BRWD1: variants seen among roughly 807,000 people sequenced by gnomAD.
The protein encoded by BRWD1 is bromodomain and WD repeat-containing protein 1.
Under a neutral mutation model 251.2 loss-of-function variants are expected in BRWD1, and 82 were observed. The ratio of observed to expected loss-of-function variants is 0.33; its 90% CI spans 0.27 to 0.39. The LOEUF (loss-of-function observed/expected upper bound fraction) is 0.39. Ranked by LOEUF, BRWD1 falls within the 10% of genes least tolerant of loss-of-function variation. The probability of loss-of-function intolerance (pLI) is 1.00; values close to 1 mark genes in which losing one functional copy is unlikely to be tolerated. For missense variants in BRWD1, 2,233 were observed against 2,711.6 expected, an observed-to-expected ratio of 0.82 and a Z score of 3.92; for synonymous variants, 918 against 902.8, an observed-to-expected ratio of 1.02 and a Z score of -0.30.
chr21:39,301,176 C>CA (rs35360577), intron 4 of BRWD1, among the ~76,000 whole-genome samples: 1,431 of 65,332 alleles, frequency 0.022, 8 homozygotes, highest in African/African-American at 0.044. Flanking sequence ...AAGGCTCCCA[C>CA]AAAAAAAAAA....
intron 8 of BRWD1, among the ~76,000 whole-genome samples, chr21:39,283,717 TG>T (rs1222798407): frequency 6.6e-6 from 1 of 152,226 alleles, no homozygotes; most frequent in Non-Finnish European, 1.5e-5. Flanking sequence ...TTTTAACTTC[TG>T]GGGGCTTCCT....
intron 29 of BRWD1, among the ~76,000 whole-genome samples, chr21:39,220,020 CAT>C (rs1386379843): frequency 6.8e-6 from 1 of 147,704 alleles, no homozygotes; most frequent in African/African-American, 2.5e-5. Context: ...AGGCAGGCAA[CAT>C]AAAGTGCTTT....
intron 36 of BRWD1, among the ~76,000 whole-genome samples, chr21:39,206,805 A>G (rs956856471): frequency 3.3e-5 from 5 of 152,248 alleles, no homozygotes; most frequent in Non-Finnish European, 7.3e-5. Flanking sequence ...TGCATATGAA[A>G]GATTTGTTTT....
intron 28 of BRWD1, 90 bp downstream of exon 28, chr21:39,224,996 G>GT (rs1401808713): frequency 1.1e-5 from 11 of 1,012,144 alleles, no homozygotes; most frequent in South Asian, 8.4e-5. Context: ...TAAAAACCAT[G>GT]TTTTTTTAAA....
chr21:39,258,583 T>C lies in BRWD1; in HGVS notation c.1975A>G (p.Ile659Val). 1 of 1,613,724 alleles carries C rather than the reference T, an allele frequency of 6.2e-7. No homozygotes were observed. Among genetic ancestry groups the C allele is most frequent in the Non-Finnish European group, 8.5e-7 (1 of 1,179,750 alleles). ...TCTTGCTGCTGCTGCAACTGTCTTA[T>C]CATTCCATCAAGAATACTCGATTCT... ...SPESSILDGMIRQLQQQQDQR... is the reference protein window; with the variant it reads ...SPESSILDGMVRQLQQQQDQR... The change falls in exon 18 of 41, where the codon ATA (isoleucine) becomes GTA (valine). Residue 659 changes from isoleucine (I) to valine (V), a missense_variant. Ile to Val is a conservative substitution (Grantham distance 29, BLOSUM62 3). This residue lies in a region of BRWD1 where 73 missense variants were observed against 68.1 expected (regional missense o/e 1.07). Coordinates refer to ENST00000342449, the MANE Select transcript of BRWD1 (RefSeq NM_033656.4).
chr21:39,295,902 C>A lies in BRWD1; in HGVS notation c.450G>T (p.Val150=). Residue 150 remains valine (V), a splice_region_variant and synonymous_variant, in exon 7 of 41, where the codon GTG becomes GTT. Coordinates refer to ENST00000342449, the MANE Select transcript of BRWD1 (RefSeq NM_033656.4). ...PVNYGSPPNL[V]EIHRGKQLTG... is the part of the protein sequence containing the mutation. ...TGAGTTGTTTTCCTCGATGTATCTCCACTAGGAAATAAAAACAATGAAAAT... is the reference window on the plus strand; with the variant it reads ...TGAGTTGTTTTCCTCGATGTATCTCAACTAGGAAATAAAAACAATGAAAAT... 1 of 1,572,152 alleles carries A rather than the reference C, an allele frequency of 6.4e-7. No individual in the cohort carries two copies. Among genetic ancestry groups the A allele is most frequent in the Admixed American group, 1.8e-5 (1 of 54,784 alleles).
intron 4 of BRWD1, among the ~76,000 whole-genome samples, chr21:39,308,194 A>G (rs984451513): frequency 1.3e-5 from 2 of 152,170 alleles, no homozygotes; most frequent in African/African-American, 4.8e-5. Context: ...ATAAGAAGCA[A>G]AAGTAGGCCT....
chr21:39,197,533 G>A (rs2031885824), intron 40 of BRWD1, 118 bp from the exon 41 acceptor site: 2 of 772,314 alleles, frequency 2.6e-6, no homozygotes, highest in South Asian at 1.8e-5. Flanking sequence ...GCAGTGAATG[G>A]AATGGTACAC....
At chr21:39,243,400 T>A (rs950909307) in intron 21 of BRWD1, among the ~76,000 whole-genome samples, 1 of 152,222 alleles carries the variant, frequency 6.6e-6, no homozygotes, top group Non-Finnish European at 1.5e-5. Context: ...AAAATTTGAG[T>A]AAGATCTGCA....
intron 4 of BRWD1, among the ~76,000 whole-genome samples, chr21:39,302,460 T>A (rs1351766920): frequency 6.6e-6 from 1 of 152,112 alleles, no homozygotes; most frequent in African/African-American, 2.4e-5. Flanking sequence ...ACTTTTATAA[T>A]ATGTGGTAAG....
intron 6 of BRWD1, 105 bp downstream of exon 6, chr21:39,296,160 A>G: frequency 1.1e-6 from 1 of 912,162 alleles, no homozygotes; most frequent in Admixed American, 2.8e-5. Context: ...TTAAAACAAC[A>G]TTTCAACCAG....
chr21:39,236,518 T>C, intron 23 of BRWD1, 77 bp downstream of exon 23: 1 of 1,292,010 alleles, frequency 7.7e-7, no homozygotes. Flanking sequence ...TCACGAGAAA[T>C]GTTAAAACAA....
intron 21 of BRWD1, among the ~76,000 whole-genome samples, chr21:39,240,873 AG>A (rs1229835610): frequency 6.6e-6 from 1 of 151,918 alleles, no homozygotes; most frequent in Non-Finnish European, 1.5e-5. Context: ...TCTACATACT[AG>A]GGTTTTTACC....
In BRWD1 at chr21:39,225,136, C is replaced by T; in HGVS notation, c.3270G>A (p.Glu1090=). 6.2e-7 allele frequency: 1 copy of T among 1,613,558 alleles called. No individual in the cohort carries two copies. Among genetic ancestry groups the T allele is most frequent in the Non-Finnish European group, 8.5e-7 (1 of 1,179,660 alleles). Residue 1090 remains glutamate (E), a synonymous_variant, in exon 28 of 41, where the codon GAG becomes GAA. Coordinates refer to ENST00000342449, the MANE Select transcript of BRWD1 (RefSeq NM_033656.4). ...AWWFGTVLSQ[E]PYQPQYPDSH... is the part of the protein sequence containing the mutation. ...TATCAGGATACTGTGGTTGATATGG[C>T]TCTTGACTTAACACTGTTCCAAACC...
chr21:39,234,262 A>G (rs1284167971), intron 23 of BRWD1, among the ~76,000 whole-genome samples: 2 of 152,206 alleles, frequency 1.3e-5, no homozygotes, highest in Non-Finnish European at 2.9e-5. Context: ...TGGGTAATAC[A>G]GACGCTGAAT....
Position 39,313,433 on chromosome 21 carries a change from C to G in BRWD1, c.49+10G>C, listed in dbSNP as rs990130971. 2.1e-6 allele frequency: 3 copies of G among 1,400,158 alleles called. No individual in the cohort carries two copies. Among genetic ancestry groups the G allele is most frequent in the Non-Finnish European group, 1.9e-6 (2 of 1,079,538 alleles). 86.7% of individuals were successfully genotyped at this position (1,400,158 alleles called of 1,614,324 possible). A position where few individuals can be genotyped will look rare whatever the true frequency, so the allele number is the denominator to read the frequency against. On this transcript the variant is annotated intron_variant, in intron 1 of 40. Transcript: ENST00000342449. ...CGCCAGGGCGGGGGTGGCACGGCCT[C>G]GCGTCTTACCCGACTCGATGAGAGG... is the stretch of plus-strand genomic sequence containing the variant.
chr21:39,267,445 T>G (rs904143175), intron 15 of BRWD1, among the ~76,000 whole-genome samples: 4 of 151,722 alleles, frequency 2.6e-5, no homozygotes, highest in African/African-American at 9.7e-5. Flanking sequence ...AACACAAAAA[T>G]AAAATTAGCC....
At position 39,188,127 on chromosome 21, in the gene BRWD1, C is replaced by A; in HGVS notation, c.*8132G>T. 2.0e-6 allele frequency: 2 copies of A among 985,366 alleles called. No individual in the cohort carries two copies. 61.0% of individuals were successfully genotyped at this position (985,366 alleles called of 1,614,324 possible). On this transcript the variant is annotated 3_prime_UTR_variant, in exon 41 of 41. Coordinates refer to ENST00000342449, the MANE Select transcript of BRWD1 (RefSeq NM_033656.4). ...TATGTTTGTTACCAGTGTCTCAAAG[C>A]CAAATTTTCAAATTTCACAAACAAG...
intron 15 of BRWD1, among the ~76,000 whole-genome samples, chr21:39,265,636 T>C (rs1162285373): frequency 6.6e-6 from 1 of 152,140 alleles, no homozygotes; most frequent in Admixed American, 6.6e-5. Context: ...TTTCATAAAT[T>C]TTTGTCTTAG....
Sources: allele counts gnomAD v4.1 joint callset (sites outside exome capture counted in the v4.1 genomes callset), GRCh38; gene constraint gnomAD v4.1.1; regional missense constraint gnomAD v4.1.1; transcripts MANE v1.5; gene names NCBI Gene and HGNC (gene_info 2026-07-23, HGNC 2026-07-21).